PTPRT: variants seen among roughly 807,000 people sequenced by gnomAD.
PTPRT encodes protein tyrosine phosphatase receptor type T, also known as receptor-type tyrosine-protein phosphatase T.
In PTPRT, 56 loss-of-function variants were observed where a neutral mutation model predicts 176.8. The observed-to-expected ratio is 0.32, with a 90% CI of 0.26 to 0.40. The LOEUF (loss-of-function observed/expected upper bound fraction) is 0.40. Among genes scored for constraint, PTPRT ranks in the 10% least tolerant of loss-of-function variants. PTPRT has a pLI of 1.00. For missense variants in PTPRT, 1,540 were observed against 1,908.2 expected (o/e 0.81, Z 3.60); for synonymous variants, 783 against 739.0 (o/e 1.06, Z -0.96).
intron 7 of PTPRT, among the ~76,000 whole-genome samples, chr20:42,662,176 G>T (rs1197043673): frequency 1.3e-5 from 2 of 152,168 alleles, no homozygotes; most frequent in South Asian, 2.1e-4. Flanking sequence ...CTGCAGAAAT[G>T]CCTGTTAAGA....
intron 12 of PTPRT, among the ~76,000 whole-genome samples, chr20:42,293,338 C>A (rs528116012): frequency 3.9e-5 from 6 of 152,318 alleles, no homozygotes; most frequent in African/African-American, 1.4e-4. Context: ...ACAACTCCAT[C>A]TTCCTTAATC....
chr20:42,952,403 G>A (rs2146019786), intron 1 of PTPRT, among the ~76,000 whole-genome samples: 1 of 152,300 alleles, frequency 6.6e-6, no homozygotes, highest in East Asian at 1.9e-4. Context: ...AGAATAACTA[G>A]GCAGAACTCT....
downstream of PTPRT, among the ~76,000 whole-genome samples, chr20:42,067,771 C>T (rs571949425): frequency 1.8e-4 from 28 of 152,272 alleles, no homozygotes; most frequent in South Asian, 4.2e-4. Flanking sequence ...GGACATCTGG[C>T]GGCCCTCTAT....
Position 42,115,199 on chromosome 20 carries a change from C to G in PTPRT, c.3099G>C (p.Lys1033Asn). Residue 1033 changes from lysine to asparagine, a missense_variant and splice_region_variant, in exon 22 of 31, where the codon AAG (lysine) becomes AAC (asparagine). Coordinates refer to ENST00000373187, the MANE Select transcript of PTPRT (RefSeq NM_007050.6). The stretch of plus-strand genomic sequence containing the variant: ...TGCCCACAGCCTCCAAGAAGCTTAC[C>G]TTCTGGACTGTGAAGGTGCGTATGA... ...EYVIRTFTVQ[K>N]KGYHEIRELR... 1 of 1,612,236 alleles carries G rather than the reference C, an allele frequency of 6.2e-7. No homozygotes were observed. The highest frequency in any genetic ancestry group is 8.5e-7 in the Non-Finnish European group (1 of 1,178,334).
chr20:43,091,056 C>T (rs2011825915), intron 1 of PTPRT, among the ~76,000 whole-genome samples: 1 of 152,120 alleles, frequency 6.6e-6, no homozygotes, highest in African/African-American at 2.4e-5. Context: ...CATGGTGAAG[C>T]CCCATCTCTA....
At chr20:43,020,224 AATAT>A (rs3030256) in intron 1 of PTPRT, among the ~76,000 whole-genome samples, 8 of 145,032 alleles carry the variant, frequency 5.5e-5, no homozygotes, top group African/African-American at 2.0e-4. Context: ...TTAATTATGT[AATAT>A]ATATATATAT....
At chr20:42,215,632 C>T (rs1470806533) in intron 15 of PTPRT, among the ~76,000 whole-genome samples, 1 of 87,500 alleles carries the variant, frequency 1.1e-5, no homozygotes, top group East Asian at 4.0e-4. Flanking sequence ...CGACCCGAAA[C>T]CAAACCAGCC....
chr20:42,650,383 C>T (rs1600549242), intron 7 of PTPRT, among the ~76,000 whole-genome samples: 1 of 152,324 alleles, frequency 6.6e-6, no homozygotes, highest in East Asian at 1.9e-4. Context: ...ATCTCACACA[C>T]ATACATATGC....
At chr20:42,929,559 A>G (rs964268147) in intron 1 of PTPRT, among the ~76,000 whole-genome samples, 1 of 152,240 alleles carries the variant, frequency 6.6e-6, no homozygotes, top group South Asian at 2.1e-4. Flanking sequence ...TATGCATTAT[A>G]TAGAGACTTT....
intron 15 of PTPRT, among the ~76,000 whole-genome samples, chr20:42,224,946 A>G (rs1005776676): frequency 6.6e-6 from 1 of 152,172 alleles, no homozygotes; most frequent in Non-Finnish European, 1.5e-5. Flanking sequence ...TGGCCATGGT[A>G]GTGCACTCTC....
At chr20:42,619,941 C>G (rs551826551) in intron 7 of PTPRT, among the ~76,000 whole-genome samples, 2 of 147,912 alleles carry the variant, frequency 1.4e-5, no homozygotes, top group Non-Finnish European at 3.0e-5. Flanking sequence ...TCTCTCAGCT[C>G]GTCAAAGTCA....
chr20:43,051,624 GTAAA>G (rs1987044193), intron 1 of PTPRT, among the ~76,000 whole-genome samples: 1 of 48,292 alleles, frequency 2.1e-5, no homozygotes. Context: ...CTCTGTAACT[GTAAA>G]AAAAAAAAAA....
chr20:42,318,590 A>C (rs998859304), intron 11 of PTPRT, among the ~76,000 whole-genome samples: 8 of 152,318 alleles, frequency 5.3e-5, no homozygotes, highest in Admixed American at 1.3e-4. Context: ...ATTTGGGAGC[A>C]TGCAACCAAA....
chr20:42,915,148 A>G (rs1978653381), intron 1 of PTPRT, among the ~76,000 whole-genome samples: 1 of 152,240 alleles, frequency 6.6e-6, no homozygotes, highest in African/African-American at 2.4e-5. Context: ...GGTCAGAGCA[A>G]AGAGAAAATC....
At chr20:42,143,865 G>A (rs760355366) in intron 17 of PTPRT, among the ~76,000 whole-genome samples, 27 of 152,192 alleles carry the variant, frequency 1.8e-4, no homozygotes, top group African/African-American at 1.9e-4. Flanking sequence ...CTAATCCAAT[G>A]GGCACATCTC....
intron 15 of PTPRT, among the ~76,000 whole-genome samples, chr20:42,213,909 G>A (rs1254149513): frequency 2.0e-5 from 3 of 152,196 alleles, no homozygotes; most frequent in African/African-American, 7.2e-5. Context: ...ACAGTAGCCT[G>A]AGGAAACTAA....
chr20:42,254,125 C>G (rs1215083158), intron 13 of PTPRT, among the ~76,000 whole-genome samples: 1 of 152,048 alleles, frequency 6.6e-6, no homozygotes, highest in African/African-American at 2.4e-5. Flanking sequence ...ACCCAGCAAC[C>G]CTCCCAGCTG....
intron 6 of PTPRT, among the ~76,000 whole-genome samples, chr20:42,678,712 A>G (rs1346808396): frequency 3.3e-5 from 5 of 152,206 alleles, no homozygotes; most frequent in Admixed American, 3.3e-4. Context: ...TATCTCCTTC[A>G]TTTAAAGAAA....
At chr20:42,774,395 A>G (rs2077104642) in intron 4 of PTPRT, among the ~76,000 whole-genome samples, 1 of 152,150 alleles carries the variant, frequency 6.6e-6, no homozygotes, top group African/African-American at 2.4e-5. Context: ...GAAAGGGGAC[A>G]CTGAAAGGGG....
Sources: allele counts gnomAD v4.1 joint callset (sites outside exome capture counted in the v4.1 genomes callset), GRCh38; gene constraint gnomAD v4.1.1; transcripts MANE v1.5; gene names NCBI Gene and HGNC (gene_info 2026-07-23, HGNC 2026-07-21).